Variants in PKNOX2 observed in about 807,000 individuals in gnomAD.
PKNOX2 encodes the protein PBX/knotted 1 homeobox 2.
A neutral mutation model predicts 53.1 loss-of-function variants in PKNOX2; 14 were observed. The observed-to-expected ratio is 0.26, with a 90% CI of 0.17 to 0.41. PKNOX2 has a LOEUF of 0.41. PKNOX2 is among the 10% of genes least tolerant of loss of function. PKNOX2 has a pLI of 1.00. For missense variants in PKNOX2, 496 were observed against 602.8 expected (o/e 0.82, Z 1.85); for synonymous variants, 257 against 242.8 (o/e 1.06, Z -0.54).
At chr11:125,183,935 G>C (rs1404324527) in intron 1 of PKNOX2, among the ~76,000 whole-genome samples, 2 of 152,038 alleles carry the variant, frequency 1.3e-5, no homozygotes, top group Admixed American at 6.6e-5. Flanking sequence ...TTTCCTGTGG[G>C]GGTTTCTTCT....
intron 1 of PKNOX2, among the ~76,000 whole-genome samples, chr11:125,171,595 G>A (rs1023429984): frequency 4.6e-5 from 7 of 152,234 alleles, no homozygotes; most frequent in African/African-American, 1.7e-4. Flanking sequence ...CTGGCACAGA[G>A]GAGAGGCTCA....
chr11:125,215,851 C>T (rs1940435379), intron 1 of PKNOX2, among the ~76,000 whole-genome samples: 1 of 152,200 alleles, frequency 6.6e-6, no homozygotes, highest in African/African-American at 2.4e-5. Flanking sequence ...CATCACAAGG[C>T]CCCAGGAGGA....
intron 1 of PKNOX2, among the ~76,000 whole-genome samples, chr11:125,225,027 T>G (rs1204791160): frequency 6.6e-6 from 1 of 152,174 alleles, no homozygotes; most frequent in African/African-American, 2.4e-5. Flanking sequence ...GGATGGCATC[T>G]TTTCTGAGAT....
At chr11:125,381,333 T>C (rs1953212938) in intron 5 of PKNOX2, among the ~76,000 whole-genome samples, 1 of 152,034 alleles carries the variant, frequency 6.6e-6, no homozygotes, top group African/African-American at 2.4e-5. Flanking sequence ...GGGCTGACAG[T>C]ACCCTGCCCT....
At chr11:125,310,760 A>G (rs1948753224) in intron 2 of PKNOX2, among the ~76,000 whole-genome samples, 1 of 152,072 alleles carries the variant, frequency 6.6e-6, no homozygotes, top group South Asian at 2.1e-4. Flanking sequence ...ACTTGAGTTT[A>G]TTTAAAGCTA....
chr11:125,169,739 A>G (rs1183460350), intron 1 of PKNOX2, among the ~76,000 whole-genome samples: 1 of 152,212 alleles, frequency 6.6e-6, no homozygotes, highest in African/African-American at 2.4e-5. Context: ...GCAAAGTCAC[A>G]TTCTTCGGTG....
chr11:125,381,936 A>T (rs1301975829), intron 5 of PKNOX2, among the ~76,000 whole-genome samples: 2 of 152,182 alleles, frequency 1.3e-5, no homozygotes, highest in Non-Finnish European at 2.9e-5. Flanking sequence ...CACTCTAAGA[A>T]AAGCTGCTCC....
intron 1 of PKNOX2, among the ~76,000 whole-genome samples, chr11:125,208,972 G>A (rs898637750): frequency 6.6e-6 from 1 of 152,000 alleles, no homozygotes; most frequent in Non-Finnish European, 1.5e-5. Context: ...GGGTTTCAGG[G>A]TCTCAGGAGA....
chr11:125,382,574 T>C (rs1953328007), intron 5 of PKNOX2, among the ~76,000 whole-genome samples: 1 of 152,192 alleles, frequency 6.6e-6, no homozygotes, highest in African/African-American at 2.4e-5. Flanking sequence ...GTAGGGAGGT[T>C]CATAAGGCGC....
chr11:125,268,921 T>C (rs1007383793), intron 2 of PKNOX2, among the ~76,000 whole-genome samples: 1 of 115,576 alleles, frequency 8.7e-6, no homozygotes, highest in Non-Finnish European at 1.7e-5. Flanking sequence ...TGGCTTCTCA[T>C]AGGGGAGTTG....
chr11:125,429,239 C>G lies in PKNOX2; in HGVS notation c.1013+151C>G, dbSNP rs539168635. On this transcript the variant is annotated intron_variant, in intron 11 of 12. Coordinates refer to ENST00000298282, the MANE Select transcript of PKNOX2 (RefSeq NM_001382323.2). ...CCAGTCCCCCCATTTAGGCTAGAAG[C>G]AGAAAGCAAGAATCAACACTGGCAC... 22 of 770,504 alleles carry G rather than the reference C, an allele frequency of 2.9e-5. No homozygotes were observed. The East Asian group carries it at 6.1e-4, about 21-fold the overall frequency. 47.7% of individuals were successfully genotyped at this position (770,504 alleles called of 1,614,324 possible). A position where few individuals can be genotyped will look rare whatever the true frequency, so the allele number is the denominator to read the frequency against.
At chr11:125,248,680 G>T (rs1458895986) in intron 2 of PKNOX2, among the ~76,000 whole-genome samples, 2 of 147,648 alleles carry the variant, frequency 1.4e-5, no homozygotes, top group South Asian at 4.2e-4. Flanking sequence ...TACATGTTAT[G>T]TATGTTATAT....
At chr11:125,207,668 G>A (rs536674959) in intron 1 of PKNOX2, among the ~76,000 whole-genome samples, 14 of 152,138 alleles carry the variant, frequency 9.2e-5, no homozygotes, top group Admixed American at 1.3e-4. Context: ...TTCGCTTGTC[G>A]GCATGAAAGC....
Position 125,352,353 on chromosome 11 carries a change from C to T in PKNOX2, c.87+961C>T, listed in dbSNP as rs1355608809. Among the ~76,000 whole-genome samples, 1 of 152,184 alleles carries T rather than the reference C, an allele frequency of 6.6e-6. No homozygotes were observed. Among genetic ancestry groups the T allele is most frequent in the Non-Finnish European group, 1.5e-5 (1 of 68,034 alleles). ...TAGAATGTCCATCCACAAATTCGCC[C>T]ATGTGCAGCAGGTGCCCGCTGGGTG... is the stretch of plus-strand genomic sequence containing the variant. On this transcript the variant is annotated intron_variant, in intron 4 of 12. Coordinates refer to ENST00000298282, the MANE Select transcript of PKNOX2 (RefSeq NM_001382323.2). The surrounding 1 kb of genome is among the most constrained non-coding windows in gnomAD (Gnocchi z 4.1).
intron 1 of PKNOX2, chr11:125,184,173 G>T (rs753377968): frequency 6.6e-6 from 1 of 152,238 alleles, no homozygotes; most frequent in African/African-American, 2.4e-5. Context: ...GATGTTACAG[G>T]ACAGAGAAGA....
intron 2 of PKNOX2, among the ~76,000 whole-genome samples, chr11:125,305,123 G>C (rs1480890519): frequency 1.3e-5 from 2 of 152,186 alleles, no homozygotes; most frequent in African/African-American, 4.8e-5. Flanking sequence ...ACACCCACCT[G>C]AGCAAGCTCC....
At chr11:125,404,158 A>G (rs1209032443) in intron 7 of PKNOX2, among the ~76,000 whole-genome samples, 2 of 152,144 alleles carry the variant, frequency 1.3e-5, no homozygotes, top group African/African-American at 4.8e-5. Context: ...ACTTAGATGG[A>G]CAGGGGGCAT....
chr11:125,316,428 C>T (rs971757652), intron 2 of PKNOX2, among the ~76,000 whole-genome samples: 8 of 152,156 alleles, frequency 5.3e-5, no homozygotes, highest in African/African-American at 1.9e-4. Flanking sequence ...CTTACTGCAT[C>T]GAGAAATGAT....
intron 2 of PKNOX2, among the ~76,000 whole-genome samples, chr11:125,298,086 G>C (rs61917769): frequency 0.015 from 2,226 of 152,310 alleles, 23 homozygotes; most frequent in Middle Eastern, 0.024. Context: ...GCACAGTGAG[G>C]GCACTGGGCA....
Sources: allele counts gnomAD v4.1 joint callset (sites outside exome capture counted in the v4.1 genomes callset), GRCh38; gene constraint gnomAD v4.1.1; non-coding constraint Gnocchi (gnomAD v3.1); transcripts MANE v1.5; gene names NCBI Gene and HGNC (gene_info 2026-07-23, HGNC 2026-07-21).